PTPN2: variants seen among roughly 807,000 people sequenced by gnomAD.
PTPN2 encodes tyrosine-protein phosphatase non-receptor type 2.
In PTPN2, 19 loss-of-function variants were observed where a neutral mutation model predicts 57.3. That is an observed-to-expected ratio of 0.33 (90% CI 0.23 to 0.49). The LOEUF (loss-of-function observed/expected upper bound fraction) is 0.49, where lower values mean the gene tolerates loss of function less well. PTPN2 is among the 20% of genes least tolerant of loss of function. The pLI is 0.99. For synonymous variants in PTPN2, 153 were observed against 164.9 expected (o/e 0.93, Z 0.55); for missense variants, 358 against 501.1 (o/e 0.71, Z 2.73).
downstream of PTPN2, among the ~76,000 whole-genome samples, chr18:12,789,042 G>A (rs2040915661): frequency 1.3e-5 from 2 of 152,216 alleles, no homozygotes; most frequent in East Asian, 1.9e-4. Flanking sequence ...TAGCCACTGA[G>A]TGTACAGTTT....
intron 7 of PTPN2, among the ~76,000 whole-genome samples, chr18:12,811,290 C>T (rs996815057): frequency 6.6e-6 from 1 of 152,028 alleles, no homozygotes; most frequent in Non-Finnish European, 1.5e-5. Context: ...AAATTGTCTC[C>T]AGAATTTACA....
At chr18:12,825,742 C>A (rs1228134441) in intron 5 of PTPN2, 68 bp downstream of exon 5, 5 of 1,441,082 alleles carry the variant, frequency 3.5e-6, no homozygotes, top group Admixed American at 3.9e-5. Flanking sequence ...AACTTCAAAT[C>A]TAATAATAAA....
chr18:12,839,602 A>G (rs1161857792), intron 2 of PTPN2: 2 of 152,234 alleles, frequency 1.3e-5, no homozygotes, highest in African/African-American at 4.8e-5. Flanking sequence ...GGGATACCAC[A>G]AAAGCAACCA....
chr18:12,791,774 G>C (rs879706374), downstream of PTPN2, among the ~76,000 whole-genome samples: 2 of 152,152 alleles, frequency 1.3e-5, no homozygotes, highest in Non-Finnish European at 2.9e-5. Context: ...ACACCACCCA[G>C]AAGGACAGAA....
chr18:12,876,034 C>A (rs2044476105), intron 1 of PTPN2, among the ~76,000 whole-genome samples: 1 of 152,098 alleles, frequency 6.6e-6, no homozygotes, highest in South Asian at 2.1e-4. Context: ...ATGGTGAGAA[C>A]CTGTCTCTAC....
At position 12,813,251 on chromosome 18, in the gene PTPN2, T is replaced by C. The variant is rs1267320406; in HGVS notation, c.858+952A>G. ...TTTTCCTAATCTTAAACATCTGAAA[T>C]AACTTTTACTTCACCTAAATCACTG... On this transcript the variant is annotated intron_variant, in intron 7 of 8. Coordinates refer to ENST00000309660, the MANE Select transcript of PTPN2 (RefSeq NM_002828.4). Among the ~76,000 whole-genome samples the C allele has an allele frequency of 8.5e-5, 13 of 152,286 alleles. No homozygotes were observed. In the East Asian group the frequency reaches 2.5e-3, roughly 29 times the overall value.
chr18:12,789,858 GTA>G (rs35606579), downstream of PTPN2, among the ~76,000 whole-genome samples: 33,324 of 133,910 alleles, frequency 0.25, 4,029 homozygotes, highest in South Asian at 0.48. Flanking sequence ...ATATCTCTCT[GTA>G]TGTGTGTGTG....
intron 1 of PTPN2, among the ~76,000 whole-genome samples, chr18:12,872,485 CTTCCTCCA>C (rs1257541969): frequency 6.6e-6 from 1 of 152,188 alleles, no homozygotes; most frequent in Non-Finnish European, 1.5e-5. Context: ...ATTGCATTCC[CTTCCTCCA>C]TTCCTCTCGT....
At chr18:12,812,102 GT>G (rs1427012755) in intron 7 of PTPN2, among the ~76,000 whole-genome samples, 2 of 152,208 alleles carry the variant, frequency 1.3e-5, no homozygotes, top group Admixed American at 1.3e-4. Flanking sequence ...ACTCTGGGGG[GT>G]TAACTGTCAT....
intron 1 of PTPN2, among the ~76,000 whole-genome samples, chr18:12,865,358 T>C (rs2043954591): frequency 6.6e-6 from 1 of 150,684 alleles, no homozygotes; most frequent in Non-Finnish European, 1.5e-5. Flanking sequence ...TCACTTGAGC[T>C]CAGGAGGTCA....
At chr18:12,876,755 G>A (rs1054596136) in intron 1 of PTPN2, among the ~76,000 whole-genome samples, 1 of 152,110 alleles carries the variant, frequency 6.6e-6, no homozygotes, top group Non-Finnish European at 1.5e-5. Context: ...AAATACCTGG[G>A]AACACACGTA....
At chr18:12,819,916 G>A (rs60257752) in intron 5 of PTPN2, among the ~76,000 whole-genome samples, 5,851 of 152,170 alleles carry the variant, frequency 0.038, 167 homozygotes, top group East Asian at 0.19. Context: ...TACTTGCTGC[G>A]GCCACCAGCA....
chr18:12,807,594 T>TATAA, intron 7 of PTPN2, among the ~76,000 whole-genome samples: 1 of 81,432 alleles, frequency 1.2e-5, no homozygotes, highest in South Asian at 5.7e-4. Context: ...AAAATATATA[T>TATAA]ATATATATAT....
intron 3 of PTPN2, among the ~76,000 whole-genome samples, chr18:12,831,641 T>G (rs568142548): frequency 6.6e-6 from 1 of 152,300 alleles, no homozygotes; most frequent in Admixed American, 6.5e-5. Flanking sequence ...GTACCATCAC[T>G]GGCCAGCCAA....
intron 7 of PTPN2, among the ~76,000 whole-genome samples, chr18:12,806,416 T>C (rs551686683): frequency 2.0e-5 from 3 of 152,206 alleles, no homozygotes; most frequent in Non-Finnish European, 4.4e-5. Flanking sequence ...TCAATGAAAA[T>C]ACCAATGATA....
chr18:12,857,759 G>A (rs62097857), intron 2 of PTPN2, among the ~76,000 whole-genome samples: 4,545 of 152,120 alleles, frequency 0.03, 100 homozygotes, highest in South Asian at 0.098. Context: ...AGAGGAAGTG[G>A]GTCAAATCTT....
At chr18:12,823,056 G>GTTTATCTAAACTT (rs2042326012) in intron 5 of PTPN2, among the ~76,000 whole-genome samples, 1 of 152,180 alleles carries the variant, frequency 6.6e-6, no homozygotes, top group Non-Finnish European at 1.5e-5. Context: ...TGATTCTAGA[G>GTTTATCTAAACTT]GTTATCTACT....
chr18:12,874,290 G>A (rs2044391780), intron 1 of PTPN2, among the ~76,000 whole-genome samples: 2 of 137,742 alleles, frequency 1.5e-5, no homozygotes, highest in African/African-American at 2.8e-5. Context: ...CGCCCCGTCC[G>A]GGAGGGAGGT....
intron 1 of PTPN2, chr18:12,883,870 C>CTT (rs397959555): frequency 0.082 from 31,479 of 386,060 alleles, 1,361 homozygotes; most frequent in African/African-American, 0.18. Context: ...CTCAAGTATG[C>CTT]TTTTTTTTTT....
Sources: gnomAD v4.1 joint callset for allele counts (sites outside exome capture counted in the v4.1 genomes callset) on GRCh38, gnomAD v4.1.1 for gene constraint, MANE v1.5 for transcripts, NCBI Gene and HGNC (gene_info 2026-07-23, HGNC 2026-07-21) for gene names.